Variants in IL1F10 observed in about 807,000 individuals in gnomAD.
The protein encoded by IL1F10 is interleukin 1 family member 10.
Under a neutral mutation model 13.1 loss-of-function variants are expected in IL1F10, and 13 were observed. That is an observed-to-expected ratio of 0.99 (90% CI 0.64 to 1.57). IL1F10 has a LOEUF of 1.57. IL1F10 is among the 40% of genes most tolerant of loss of function. The probability of loss-of-function intolerance (pLI) is 0.00; values close to 1 mark genes in which losing one functional copy is unlikely to be tolerated. For missense variants in IL1F10, 191 were observed against 184.1 expected (o/e 1.04, Z -0.22); for synonymous variants, 78 against 68.2 (o/e 1.14, Z -0.71).
chr2:113,069,935 G>C (rs186821988), intron 1 of IL1F10, among the ~76,000 whole-genome samples: 1 of 152,270 alleles, frequency 6.6e-6, no homozygotes, highest in African/African-American at 2.4e-5. Context: ...AGTTAATATT[G>C]GTCTTGGACA....
At position 113,074,341 on chromosome 2, in the gene IL1F10, A is replaced by G. The variant is rs775741971; in HGVS notation, c.45A>G (p.Ala15=). The G allele has an allele frequency of 5.9e-5, 95 of 1,611,538 alleles. No homozygotes were observed. The highest frequency in any genetic ancestry group is 7.9e-5 in the Non-Finnish European group (93 of 1,177,776). Residue 15 remains alanine, a synonymous_variant, in exon 3 of 5, where the codon GCA becomes GCG. Coordinates refer to ENST00000341010, the MANE Select transcript of IL1F10 (RefSeq NM_173161.3). ...PMARYYIIKY[A]DQKALYTRDG... ...CATACTGTTTCAGAATTAAATATGC[A>G]GACCAGAAGGCTCTATACACAAGAG...
chr2:113,074,868 A>G lies in IL1F10; in HGVS notation c.246+18A>G. ...AGCTGGAGGTGAGAGGCCTCTCCCC[A>G]TTCTAGGGGACACTGCAGACCTGGC... On this transcript the variant is annotated intron_variant, in intron 4 of 4. Coordinates refer to ENST00000341010, the MANE Select transcript of IL1F10 (RefSeq NM_173161.3). The G allele has an allele frequency of 6.2e-7, 1 of 1,609,678 alleles. No individual in the cohort carries two copies. The highest frequency in any genetic ancestry group is 1.1e-5 in the South Asian group (1 of 90,856).
intron 1 of IL1F10, among the ~76,000 whole-genome samples, chr2:113,071,106 T>C (rs1259741202): frequency 6.6e-6 from 1 of 152,250 alleles, no homozygotes; most frequent in Non-Finnish European, 1.5e-5. Flanking sequence ...CATAAAGCCA[T>C]AGGTAAGTGG....
At chr2:113,072,870 G>T in intron 2 of IL1F10, 100 bp downstream of exon 2, 1 of 992,252 alleles carries the variant, frequency 1.0e-6, no homozygotes, top group South Asian at 1.4e-5. Flanking sequence ...TCTCACCTTA[G>T]AAATTGCAAG....
intron 2 of IL1F10, 37 bp downstream of exon 2, chr2:113,072,807 G>C: frequency 6.3e-7 from 1 of 1,591,402 alleles, no homozygotes; most frequent in African/African-American, 1.3e-5. Context: ...TTCCAAGCCA[G>C]GGGGTCAGGG....
chr2:113,070,005 A>C (rs1006220641), intron 1 of IL1F10, among the ~76,000 whole-genome samples: 6 of 152,248 alleles, frequency 3.9e-5, no homozygotes, highest in African/African-American at 1.4e-4. Context: ...GGTGCTGTGC[A>C]AAAGAACATG....
chr2:113,072,425 G>A (rs1030315495), intron 1 of IL1F10: 4 of 311,614 alleles, frequency 1.3e-5, no homozygotes, highest in Non-Finnish European at 2.4e-5. Context: ...CAGCTATTTG[G>A]GGGAATCTGT....
chr2:113,073,995 C>A (rs564317892), intron 2 of IL1F10, among the ~76,000 whole-genome samples: 2 of 152,274 alleles, frequency 1.3e-5, no homozygotes, highest in South Asian at 2.1e-4. Context: ...GTCATCTGAG[C>A]CTCACTAAGA....
In IL1F10 at chr2:113,075,275, G is replaced by A; in HGVS notation, c.370G>A (p.Gly124Ser). ...AAAWPGWFLC[G>S]PAEPQQPVQL... Reference sequence around the variant, plus strand: ...TGCCTGGCCTGGCTGGTTCCTGTGTGGCCCGGCAGAGCCCCAGCAGCCAGT... The same window carrying A: ...TGCCTGGCCTGGCTGGTTCCTGTGTAGCCCGGCAGAGCCCCAGCAGCCAGT... Residue 124 changes from glycine to serine, a missense_variant, in exon 5 of 5, where the codon GGC (glycine) becomes AGC (serine). Coordinates refer to ENST00000341010, the MANE Select transcript of IL1F10 (RefSeq NM_173161.3). 3.1e-6 allele frequency: 5 copies of A among 1,612,584 alleles called. No homozygotes were observed. The highest frequency in any genetic ancestry group is 4.2e-6 in the Non-Finnish European group (5 of 1,178,878).
chr2:113,070,883 GCT>G (rs1685823750), intron 1 of IL1F10, among the ~76,000 whole-genome samples: 2 of 152,176 alleles, frequency 1.3e-5, no homozygotes. Flanking sequence ...ATGGCTGATT[GCT>G]GGAATCACTC....
chr2:113,074,059 G>C (rs1685891404), intron 2 of IL1F10, among the ~76,000 whole-genome samples: 1 of 152,114 alleles, frequency 6.6e-6, no homozygotes, highest in South Asian at 2.1e-4. Context: ...GAGGGCATTG[G>C]CTCTCCGTTC....
rs1278456936 is a variant in IL1F10 at position 113,074,829 on chromosome 2, G to A, written c.225G>A (p.Glu75=). 3.1e-6 allele frequency: 5 copies of A among 1,612,454 alleles called. No homozygotes were observed. Among genetic ancestry groups the A allele is most frequent in the African/African-American group, 2.7e-5 (2 of 74,854 alleles). ...SRCLACVETE[E]GPSLQLEDVN... Reference sequence around the variant, plus strand: ...GCCTGGCATGTGTGGAGACAGAAGAGGGGCCTTCCCTACAGCTGGAGGTGA... The same window carrying A: ...GCCTGGCATGTGTGGAGACAGAAGAAGGGCCTTCCCTACAGCTGGAGGTGA... Residue 75 remains glutamate, a synonymous_variant, in exon 4 of 5, where the codon GAG becomes GAA. Transcript: ENST00000341010.
At chr2:113,074,922 G>T in intron 4 of IL1F10, 72 bp downstream of exon 4, 1 of 1,549,810 alleles carries the variant, frequency 6.5e-7, no homozygotes, top group African/African-American at 1.4e-5. Flanking sequence ...TGGCATCTTT[G>T]TGCCTATCTG....
rs1304610434 is a variant in IL1F10, at chr2:113,075,517, G to A, written c.*153G>A. On this transcript the variant is annotated 3_prime_UTR_variant, in exon 5 of 5. Transcript: ENST00000341010. The stretch of plus-strand genomic sequence containing the variant: ...TACCATACATGTCCAAAGAGGTTTT[G>A]CAAATGTGATTATGTTAAGGATCTT... The A allele has an allele frequency of 2.0e-6, 1 of 498,970 alleles. No homozygotes were observed. The highest frequency in any genetic ancestry group is 3.4e-6 in the Non-Finnish European group (1 of 291,680). 30.9% of individuals were successfully genotyped at this position (498,970 alleles called of 1,614,324 possible).
chr2:113,074,276 G>T, intron 2 of IL1F10, 53 bp from the exon 3 acceptor site: 1 of 1,149,916 alleles, frequency 8.7e-7, no homozygotes, highest in South Asian at 1.2e-5. Flanking sequence ...AAGGGCTTGG[G>T]GGCCAGTGGT....
Position 113,068,341 on chromosome 2 carries a change from G to GT in IL1F10, c.-29+339dup, listed in dbSNP as rs11334338. 6.6e-3 allele frequency among the ~76,000 whole-genome samples: 928 copies of GT among 140,682 alleles called. 13 individuals are homozygous for GT. Among genetic ancestry groups the GT allele is most frequent in the African/African-American group, 0.018 (681 of 38,312 alleles). The allele number at this position is 140,682 out of a possible 152,430, so 92.3% of individuals were successfully genotyped here. ...GAAGCTTAAGAGATTTTTTGTTTTC[G>GT]TTTTTTTTTTTTTTGTGCTCCTTGG... On this transcript the variant is annotated intron_variant, in intron 1 of 4. Coordinates refer to ENST00000341010, the MANE Select transcript of IL1F10 (RefSeq NM_173161.3).
chr2:113,075,834 T>C lies in IL1F10; in HGVS notation c.*470T>C, dbSNP rs1319386072. On this transcript the variant is annotated 3_prime_UTR_variant, in exon 5 of 5. Transcript: ENST00000341010. ...ACAACTATAAAATAATAAACTTGTG[T>C]TATTGTAAACCTCTAAGTTTGTGGT... The C allele has an allele frequency of 6.6e-6, 1 of 152,410 alleles. No individual in the cohort carries two copies. The highest frequency in any genetic ancestry group is 1.5e-5 in the Non-Finnish European group (1 of 68,174). The allele number at this position is 152,410 out of a possible 1,614,324, so 9.4% of individuals were successfully genotyped here. A position where few individuals can be genotyped will look rare whatever the true frequency, so the allele number is the denominator to read the frequency against.
intron 1 of IL1F10, 168 bp from the exon 2 acceptor site, chr2:113,072,543 G>A: frequency 1.8e-6 from 1 of 555,872 alleles, no homozygotes; most frequent in Non-Finnish European, 3.2e-6. Flanking sequence ...GAGCTGCCTG[G>A]AGCCTGCTGG....
Position 113,075,416 on chromosome 2 carries a change from G to T in IL1F10, c.*52G>T. 7.4e-7 allele frequency: 1 copy of T among 1,350,098 alleles called. No individual in the cohort carries two copies. Among genetic ancestry groups the T allele is most frequent in the African/African-American group, 1.5e-5 (1 of 68,808 alleles). 83.6% of individuals were successfully genotyped at this position (1,350,098 alleles called of 1,614,324 possible). On this transcript the variant is annotated 3_prime_UTR_variant, in exon 5 of 5. Transcript: ENST00000341010. ...TGTGCCCCCAAACCAAGCTCATCCT[G>T]CTCAGGGTCTATGGTAGGCAGAATA...
Sources: allele counts gnomAD v4.1 joint callset (sites outside exome capture counted in the v4.1 genomes callset), GRCh38; gene constraint gnomAD v4.1.1; transcripts MANE v1.5; gene names NCBI Gene and HGNC (gene_info 2026-07-23, HGNC 2026-07-21).